The following AGAP1 variants were observed in gnomAD, a reference collection of about 807,000 sequenced individuals.
AGAP1 encodes ArfGAP with GTPase domain, ankyrin repeat and PH domain 1.
AGAP1 carries 29 observed loss-of-function variants against 105.3 expected under a neutral mutation model. The ratio of observed to expected loss-of-function variants is 0.28; its 90% CI spans 0.21 to 0.38. The LOEUF (loss-of-function observed/expected upper bound fraction) is 0.38, where lower values mean the gene tolerates loss of function less well. Ranked by LOEUF, AGAP1 falls within the 10% of genes least tolerant of loss-of-function variation. The probability of loss-of-function intolerance (pLI) is 1.00; values close to 1 mark genes in which losing one functional copy is unlikely to be tolerated. For missense variants in AGAP1, 998 were observed against 1,165.1 expected, an observed-to-expected ratio of 0.86 and a Z score of 2.09; for synonymous variants, 509 against 485.9, an observed-to-expected ratio of 1.05 and a Z score of -0.63.
At chr2:236,029,913 A>AT (rs2057174388) in intron 13 of AGAP1, among the ~76,000 whole-genome samples, 2 of 151,770 alleles carry the variant, frequency 1.3e-5, no homozygotes, top group South Asian at 4.2e-4. Flanking sequence ...TAATTTTCAA[A>AT]TTTTTTGTAG....
At position 235,770,736 on chromosome 2, in the gene AGAP1, TCA is replaced by T. The variant is rs1419341722; in HGVS notation, c.673+20251_673+20252del. ...GAAAAAAATTGCCTTTCATGGATTA[TCA>T]CAGTCAGTGCTAGGATAATTAAGCT... On this transcript the variant is annotated intron_variant, in intron 6 of 17. Transcript: ENST00000304032. 1.2e-4 allele frequency among the ~76,000 whole-genome samples: 19 copies of T among 152,282 alleles called. No individual in the cohort carries two copies. The East Asian group carries it at 3.5e-3, about 28-fold the overall frequency.
chr2:235,542,355 G>T (rs1943474822), intron 1 of AGAP1, among the ~76,000 whole-genome samples: 1 of 152,200 alleles, frequency 6.6e-6, no homozygotes, highest in Non-Finnish European at 1.5e-5. Flanking sequence ...GGATAAGCGG[G>T]ATTGAATCCT....
Position 235,963,672 on chromosome 2 carries a change from A to G in AGAP1, c.1484-4790A>G, listed in dbSNP as rs1157094621. Among the ~76,000 whole-genome samples the G allele has an allele frequency of 6.6e-6, 1 of 152,156 alleles. No homozygotes were observed. The highest frequency in any genetic ancestry group is 1.5e-5 in the Non-Finnish European group (1 of 68,022). ...AGAATCTTCCAGGAGCGGATGGTGC[A>G]TGTTAAGGTGGGAAGCTCTATCTTG... On this transcript the variant is annotated intron_variant, in intron 12 of 17. Coordinates refer to ENST00000304032, the MANE Select transcript of AGAP1 (RefSeq NM_001037131.3). This position sits in a 1 kb window ranked among gnomAD's most constrained non-coding sequence, Gnocchi z 5.1.
rs35601541 is a variant in AGAP1, at chr2:235,621,901, AC to A, written c.164-87271del. Among the ~76,000 whole-genome samples the A allele has an allele frequency of 6.6e-6, 1 of 150,980 alleles. No individual in the cohort carries two copies. The highest frequency in any genetic ancestry group is 2.0e-4 in the East Asian group (1 of 5,094). On this transcript the variant is annotated intron_variant, in intron 1 of 17. Coordinates refer to ENST00000304032, the MANE Select transcript of AGAP1 (RefSeq NM_001037131.3). This position sits in a 1 kb window ranked among gnomAD's most constrained non-coding sequence, Gnocchi z 4.1. ...GCGATCGGAAGGGAGTGCCGCGCAGACCCCCCCACCCCCTCAGAACAGCGGC... is the reference window on the plus strand; with the variant it reads ...GCGATCGGAAGGGAGTGCCGCGCAGACCCCCCACCCCCTCAGAACAGCGGC...
rs752214358 is a variant in AGAP1 at position 235,550,203 on chromosome 2, C to T, written c.163+55354C>T. Among the ~76,000 whole-genome samples, 2 of 152,164 alleles carry T rather than the reference C, an allele frequency of 1.3e-5. No homozygotes were observed. Among genetic ancestry groups the T allele is most frequent in the Admixed American group, 6.5e-5 (1 of 15,278 alleles). ...GCAGTCTTAGCAGGTGGATTATCACCGAGCACACAGGCAGCCCGAGGCACC... is the reference window on the plus strand; with the variant it reads ...GCAGTCTTAGCAGGTGGATTATCACTGAGCACACAGGCAGCCCGAGGCACC... On this transcript the variant is annotated intron_variant, in intron 1 of 17. Coordinates refer to ENST00000304032, the MANE Select transcript of AGAP1 (RefSeq NM_001037131.3). The surrounding 1 kb of genome is among the most constrained non-coding windows in gnomAD (Gnocchi z 4.6).
intron 3 of AGAP1, among the ~76,000 whole-genome samples, chr2:235,735,892 G>T (rs1025005293): frequency 8.6e-5 from 13 of 151,998 alleles, no homozygotes; most frequent in Admixed American, 8.5e-4. Flanking sequence ...AGATGGGACC[G>T]CTGTATCCCC....
chr2:235,862,321 C>G (rs1481986148), intron 9 of AGAP1, among the ~76,000 whole-genome samples: 1 of 152,172 alleles, frequency 6.6e-6, no homozygotes, highest in Non-Finnish European at 1.5e-5. Flanking sequence ...TTGCCAGTAG[C>G]AGTGGTAGCG....
In AGAP1 at chr2:236,055,788, A is replaced by T. The variant is rs1165237120; in HGVS notation, c.2114+6507A>T. 6.6e-6 allele frequency among the ~76,000 whole-genome samples: 1 copy of T among 152,200 alleles called. No homozygotes were observed. The highest frequency in any genetic ancestry group is 1.9e-4 in the East Asian group (1 of 5,180). The stretch of plus-strand genomic sequence containing the variant: ...TCAGGGACCTCAGCCCTTACTTAAG[A>T]TATTTTAGCAACTTCTCTTAGCAAG... On this transcript the variant is annotated intron_variant, in intron 16 of 17. Coordinates refer to ENST00000304032, the MANE Select transcript of AGAP1 (RefSeq NM_001037131.3). This position sits in a 1 kb window ranked among gnomAD's most constrained non-coding sequence, Gnocchi z 6.2.
At chr2:236,031,602 C>G (rs2057226123) in intron 13 of AGAP1, among the ~76,000 whole-genome samples, 1 of 152,154 alleles carries the variant, frequency 6.6e-6, no homozygotes, top group Non-Finnish European at 1.5e-5. Context: ...TGAATTCCCA[C>G]CAGTCTCCTC....
intron 1 of AGAP1, among the ~76,000 whole-genome samples, chr2:235,613,211 G>A (rs928491620): frequency 6.6e-6 from 1 of 152,010 alleles, no homozygotes; most frequent in Non-Finnish European, 1.5e-5. Flanking sequence ...GGCCAGGCTG[G>A]TCTTGAACTC....
rs1412379564 is a variant in AGAP1 at position 235,994,992 on chromosome 2, G to A, written c.1645+26369G>A. On this transcript the variant is annotated intron_variant, in intron 13 of 17. Transcript: ENST00000304032. This position sits in a 1 kb window ranked among gnomAD's most constrained non-coding sequence, Gnocchi z 4.4. ...TGAGGCAAGAGAATTGCTTGAACCC[G>A]GGAGGCAGAGGTTGCAGTGAGCCGA... 3.6e-5 allele frequency among the ~76,000 whole-genome samples: 5 copies of A among 138,542 alleles called. No homozygotes were observed. The highest frequency in any genetic ancestry group is 2.1e-4 in the East Asian group (1 of 4,808). The allele number at this position is 138,542 out of a possible 152,430, so 90.9% of individuals were successfully genotyped here. A position where few individuals can be genotyped will look rare whatever the true frequency, so the allele number is the denominator to read the frequency against.
rs769893304 is a variant in AGAP1 at position 236,045,670 on chromosome 2, G to A, written c.1892-3389G>A. 6.6e-5 allele frequency among the ~76,000 whole-genome samples: 10 copies of A among 152,238 alleles called. No individual in the cohort carries two copies. Among genetic ancestry groups the A allele is most frequent in the South Asian group, 2.1e-4 (1 of 4,834 alleles). Reference sequence around the variant, plus strand: ...GGAGACAGTGCAGAGGTCTGAGTCCGTGCCAGGAGGCTGGGATCAGCCACA... The same window carrying A: ...GGAGACAGTGCAGAGGTCTGAGTCCATGCCAGGAGGCTGGGATCAGCCACA... On this transcript the variant is annotated intron_variant, in intron 15 of 17. Coordinates refer to ENST00000304032, the MANE Select transcript of AGAP1 (RefSeq NM_001037131.3). This position sits in a 1 kb window ranked among gnomAD's most constrained non-coding sequence, Gnocchi z 6.9.
At chr2:235,975,845 T>C (rs577011843) in intron 13 of AGAP1, among the ~76,000 whole-genome samples, 129 of 152,266 alleles carry the variant, frequency 8.5e-4, no homozygotes, top group Admixed American at 1.9e-3. Flanking sequence ...GAACGAGAAG[T>C]CTCCACAATC....
intron 16 of AGAP1, among the ~76,000 whole-genome samples, chr2:236,100,636 C>T (rs139627511): frequency 6.6e-6 from 1 of 151,986 alleles, no homozygotes; most frequent in Non-Finnish European, 1.5e-5. Flanking sequence ...ATCAGCCTGC[C>T]CAACATGGTG....
chr2:235,859,307 A>T (rs1575630888), intron 9 of AGAP1, among the ~76,000 whole-genome samples: 1 of 151,020 alleles, frequency 6.6e-6, no homozygotes, highest in African/African-American at 2.4e-5. Context: ...AGGCCAGAGA[A>T]CCATTCACTG....
At chr2:236,025,848 G>A (rs970876608) in intron 13 of AGAP1, among the ~76,000 whole-genome samples, 1 of 147,724 alleles carries the variant, frequency 6.8e-6, no homozygotes, top group African/African-American at 2.5e-5. Context: ...GTTGCAGTGA[G>A]CTGAGATGGT....
intron 12 of AGAP1, among the ~76,000 whole-genome samples, chr2:235,952,302 A>G (rs2053771622): frequency 6.6e-6 from 1 of 152,202 alleles, no homozygotes. Context: ...AAACAGCAGG[A>G]GAGAAAAATA....
At chr2:235,920,057 A>G (rs988674420) in intron 11 of AGAP1, among the ~76,000 whole-genome samples, 2 of 152,206 alleles carry the variant, frequency 1.3e-5, no homozygotes, top group Non-Finnish European at 2.9e-5. Flanking sequence ...GGAAGTGACG[A>G]CGAACCGTCT....
chr2:235,838,575 C>T (rs1960442777), intron 9 of AGAP1, among the ~76,000 whole-genome samples: 1 of 152,188 alleles, frequency 6.6e-6, no homozygotes, highest in South Asian at 2.1e-4. Flanking sequence ...TATGTATTAG[C>T]CACCATCAGT....
Sources: allele counts gnomAD v4.1 joint callset (sites outside exome capture counted in the v4.1 genomes callset), GRCh38; gene constraint gnomAD v4.1.1; non-coding constraint Gnocchi (gnomAD v3.1); transcripts MANE v1.5; gene names NCBI Gene and HGNC (gene_info 2026-07-23, HGNC 2026-07-21).